Variants in DOCK1 observed in about 807,000 individuals in gnomAD.
DOCK1 encodes dedicator of cytokinesis 1.
In DOCK1, 138 loss-of-function variants were observed where a neutral mutation model predicts 262.7. The observed-to-expected ratio is 0.53, with a 90% CI of 0.46 to 0.61. The LOEUF is 0.61. Ranked by LOEUF, DOCK1 falls within the 20% of genes least tolerant of loss-of-function variation. The pLI is 0.00. For synonymous variants in DOCK1, 866 were observed against 867.4 expected (o/e 1.00, Z 0.03); for missense variants, 1,908 against 2,370.7 (o/e 0.80, Z 4.05).
intron 25 of DOCK1, among the ~76,000 whole-genome samples, chr10:127,114,584 TAGG>T (rs753446874): frequency 5.9e-5 from 9 of 151,796 alleles, no homozygotes; most frequent in African/African-American, 1.5e-4. Context: ...TTTCTGGAAA[TAGG>T]AGGGGGGTGC....
At chr10:127,387,915 T>C (rs4271304) in intron 38 of DOCK1, among the ~76,000 whole-genome samples, 120,963 of 151,072 alleles carry the variant, frequency 0.8, 48,509 homozygotes, top group African/African-American at 0.85. Context: ...TGATAGTTCA[T>C]CAAAAAAATC....
chr10:127,370,981 CA>C (rs756085637), intron 33 of DOCK1, among the ~76,000 whole-genome samples: 6 of 152,208 alleles, frequency 3.9e-5, no homozygotes, highest in Non-Finnish European at 7.3e-5. Flanking sequence ...TTGAGCAACA[CA>C]GTAAACCCTT....
chr10:127,133,798 G>A (rs1449507278), intron 27 of DOCK1, among the ~76,000 whole-genome samples: 3 of 152,220 alleles, frequency 2.0e-5, no homozygotes, highest in East Asian at 3.9e-4. Flanking sequence ...GTAGCATGAT[G>A]ACTTTATGCC....
chr10:127,213,940 C>G (rs541766032), intron 27 of DOCK1, among the ~76,000 whole-genome samples: 1 of 152,120 alleles, frequency 6.6e-6, no homozygotes, highest in African/African-American at 2.4e-5. Context: ...CTGGGGTTCA[C>G]GCCATTCTCC....
At chr10:127,257,740 T>C (rs1367419967) in intron 29 of DOCK1, 1 of 227,052 alleles carries the variant, frequency 4.4e-6, no homozygotes, top group Non-Finnish European at 8.8e-6. Context: ...TGCGCTCTCA[T>C]GTTACCCACA....
chr10:127,409,079 G>T lies in DOCK1; in HGVS notation c.4165G>T (p.Glu1389Ter). 6.3e-7 allele frequency: 1 copy of T among 1,599,434 alleles called. No individual in the cohort carries two copies. Among genetic ancestry groups the T allele is most frequent in the East Asian group, 2.2e-5 (1 of 44,464 alleles). ...IYRGKEYERR[E>*]DFEARLLTQF... ...CCGAGGGAAAGAGTATGAGCGCCGG[G>T]AAGATTTTGAGGCTCGGCTCTTAAC... The change falls in exon 41 of 52, where the codon GAA becomes TAA. Residue 1389 changes from glutamate to a stop codon, truncating the protein, a stop_gained. Coordinates refer to ENST00000623213, the MANE Select transcript of DOCK1 (RefSeq NM_001290223.2). LOFTEE classifies it high-confidence loss of function.
intron 32 of DOCK1, among the ~76,000 whole-genome samples, chr10:127,356,332 C>T (rs1056819459): frequency 2.6e-5 from 4 of 152,230 alleles, no homozygotes; most frequent in African/African-American, 9.6e-5. Context: ...ATTCACATGG[C>T]TCAGTCTTTC....
chr10:127,006,433 C>T (rs2041027379), intron 10 of DOCK1, among the ~76,000 whole-genome samples: 1 of 152,224 alleles, frequency 6.6e-6, no homozygotes, highest in South Asian at 2.1e-4. Flanking sequence ...GTCTTTTCAC[C>T]ATCCTCTTCC....
At chr10:127,169,269 C>T (rs1418513001) in intron 27 of DOCK1, among the ~76,000 whole-genome samples, 1 of 152,144 alleles carries the variant, frequency 6.6e-6, no homozygotes, top group Non-Finnish European at 1.5e-5. Flanking sequence ...ATTTGAACAG[C>T]CTGAATGCCG....
At chr10:127,299,100 C>CT (rs986018214) in intron 29 of DOCK1, among the ~76,000 whole-genome samples, 28 of 151,990 alleles carry the variant, frequency 1.8e-4, no homozygotes, top group African/African-American at 6.8e-4. Context: ...GAAGGATGGG[C>CT]TCTTTATTTT....
At chr10:127,262,920 C>T (rs539158608) in intron 29 of DOCK1, among the ~76,000 whole-genome samples, 2 of 152,256 alleles carry the variant, frequency 1.3e-5, no homozygotes, top group South Asian at 2.1e-4. Flanking sequence ...GGTTGGGTCA[C>T]GTGCCAAAAG....
intron 29 of DOCK1, among the ~76,000 whole-genome samples, chr10:127,304,842 A>G (rs1214706869): frequency 1.3e-5 from 2 of 152,122 alleles, no homozygotes; most frequent in African/African-American, 2.4e-5. Context: ...TGATCATACC[A>G]CTGCACTCCA....
rs113128404 is a variant in DOCK1, at chr10:127,268,731, C to A, written c.3044+11302C>A. Reference sequence around the variant, plus strand: ...AGAATTGGAGGTGGTTTCCCCAAGTCGCTCTGCCAGGGGCTCCAGTGTCTT... The same window carrying A: ...AGAATTGGAGGTGGTTTCCCCAAGTAGCTCTGCCAGGGGCTCCAGTGTCTT... On this transcript the variant is annotated intron_variant, in intron 29 of 51. Transcript: ENST00000623213. Among the ~76,000 whole-genome samples, 1,468 of 152,098 alleles carry A rather than the reference C, an allele frequency of 9.7e-3. 34 individuals carry two copies. Among genetic ancestry groups the A allele is most frequent in the African/African-American group, 0.034 (1,397 of 41,490 alleles).
At chr10:126,980,909 G>A (rs370916209) in intron 3 of DOCK1, among the ~76,000 whole-genome samples, 34 of 151,972 alleles carry the variant, frequency 2.2e-4, no homozygotes, top group African/African-American at 8.2e-4. Flanking sequence ...TTCCAGTAAG[G>A]GAGTTATTTT....
At chr10:127,215,553 G>C (rs1299200613) in intron 27 of DOCK1, among the ~76,000 whole-genome samples, 1 of 152,126 alleles carries the variant, frequency 6.6e-6, no homozygotes, top group Non-Finnish European at 1.5e-5. Context: ...CAATAATGAT[G>C]GATTGTGAAC....
chr10:127,251,796 G>T, intron 28 of DOCK1, among the ~76,000 whole-genome samples: 1 of 146,112 alleles, frequency 6.8e-6, no homozygotes, highest in African/African-American at 2.5e-5. Context: ...GGGCATTTGG[G>T]TTGGTTCCAA....
chr10:127,050,115 T>C (rs564555717), intron 21 of DOCK1, among the ~76,000 whole-genome samples: 1 of 151,890 alleles, frequency 6.6e-6, no homozygotes, highest in South Asian at 2.1e-4. Context: ...GTTTATGTAT[T>C]TTTACTAGTC....
chr10:127,404,675 T>C (rs1428322256), intron 40 of DOCK1, among the ~76,000 whole-genome samples: 1 of 152,248 alleles, frequency 6.6e-6, no homozygotes, highest in African/African-American at 2.4e-5. Context: ...CGTATTATTT[T>C]AATTGAGGTG....
intron 1 of DOCK1, among the ~76,000 whole-genome samples, chr10:126,931,929 TAGAA>T (rs2034220455): frequency 6.6e-6 from 1 of 152,050 alleles, no homozygotes; most frequent in Non-Finnish European, 1.5e-5. Context: ...AGAGGTTACT[TAGAA>T]AGGTAACAAA....
Sources: gnomAD v4.1 joint callset for allele counts (sites outside exome capture counted in the v4.1 genomes callset) on GRCh38, gnomAD v4.1.1 for gene constraint, MANE v1.5 for transcripts, NCBI Gene and HGNC (gene_info 2026-07-23, HGNC 2026-07-21) for gene names.